ADAM12: variants seen among roughly 807,000 people sequenced by gnomAD.
The protein encoded by ADAM12 is ADAM metallopeptidase domain 12.
A neutral mutation model predicts 106.4 loss-of-function variants in ADAM12; 70 were observed. That is an observed-to-expected ratio of 0.66 (90% CI 0.54 to 0.80). The LOEUF (loss-of-function observed/expected upper bound fraction) is 0.80, where lower values mean the gene tolerates loss of function less well. Ranked by LOEUF, ADAM12 falls within the 30% of genes least tolerant of loss-of-function variation. ADAM12 has a pLI of 0.00. For missense variants in ADAM12, 1,010 were observed against 1,171.9 expected (o/e 0.86, Z 2.02); for synonymous variants, 420 against 433.5 (o/e 0.97, Z 0.39).
intron 11 of ADAM12, among the ~76,000 whole-genome samples, chr10:126,080,248 G>A (rs1323622027): frequency 1.3e-5 from 2 of 152,120 alleles, no homozygotes; most frequent in African/African-American, 4.8e-5. Flanking sequence ...CCAGGTAGTT[G>A]CTCATGACAT....
At chr10:126,387,806 C>T (rs1446231964) in intron 1 of ADAM12, among the ~76,000 whole-genome samples, 4 of 152,040 alleles carry the variant, frequency 2.6e-5, no homozygotes, top group African/African-American at 9.6e-5. Flanking sequence ...GGGGAGCGGT[C>T]CCGAGGCTGT....
intron 5 of ADAM12, among the ~76,000 whole-genome samples, chr10:126,132,800 A>T (rs1956332175): frequency 2.0e-5 from 3 of 152,044 alleles, no homozygotes; most frequent in Non-Finnish European, 2.9e-5. Context: ...TAGGGTGAGA[A>T]CATCTACCTG....
At chr10:126,258,451 C>T (rs917973275) in intron 3 of ADAM12, among the ~76,000 whole-genome samples, 8 of 152,154 alleles carry the variant, frequency 5.3e-5, no homozygotes, top group African/African-American at 1.4e-4. Flanking sequence ...CAGTGGCCTC[C>T]GACCTCTGCT....
At chr10:126,233,404 T>C (rs1345285340) in intron 3 of ADAM12, among the ~76,000 whole-genome samples, 1 of 151,956 alleles carries the variant, frequency 6.6e-6, no homozygotes, top group Non-Finnish European at 1.5e-5. Flanking sequence ...AAGGTCCTGC[T>C]GGGGGAGGAG....
chr10:126,095,544 A>AG (rs1955542095), intron 10 of ADAM12, among the ~76,000 whole-genome samples: 1 of 150,570 alleles, frequency 6.6e-6, no homozygotes, highest in African/African-American at 2.4e-5. Flanking sequence ...AAAAAAAAAA[A>AG]AAAAAAAAAA....
chr10:126,281,144 G>C (rs912254677), intron 2 of ADAM12, among the ~76,000 whole-genome samples: 1 of 152,076 alleles, frequency 6.6e-6, no homozygotes, highest in Non-Finnish European at 1.5e-5. Context: ...TTAATTATAT[G>C]TGTGAAGAAC....
At chr10:126,288,591 G>A (rs999615471) in intron 2 of ADAM12, among the ~76,000 whole-genome samples, 20 of 151,090 alleles carry the variant, frequency 1.3e-4, no homozygotes, top group Non-Finnish European at 2.7e-4. Context: ...GTGATGTGGT[G>A]GCCTCAGGAA....
At chr10:126,182,620 C>T (rs1255100226) in intron 3 of ADAM12, among the ~76,000 whole-genome samples, 1 of 152,130 alleles carries the variant, frequency 6.6e-6, no homozygotes, top group African/African-American at 2.4e-5. Flanking sequence ...GAGCCTGTGC[C>T]AGGATGTGAA....
rs1372143658 is a variant in ADAM12, at chr10:126,015,155, A to G, written c.*2124T>C. 6.6e-6 allele frequency: 1 copy of G among 152,220 alleles called. No individual in the cohort carries two copies. Among genetic ancestry groups the G allele is most frequent in the Non-Finnish European group, 1.5e-5 (1 of 68,032 alleles). 9.4% of individuals were successfully genotyped at this position (152,220 alleles called of 1,614,324 possible). A position where few individuals can be genotyped will look rare whatever the true frequency, so the allele number is the denominator to read the frequency against. The stretch of plus-strand genomic sequence containing the variant: ...CATCAGCCATGGCCCCTAAGTGGCC[A>G]TTGATGACATGGCATAAGATCACAG... On this transcript the variant is annotated 3_prime_UTR_variant, in exon 23 of 23. Coordinates refer to ENST00000448723, the MANE Select transcript of ADAM12 (RefSeq NM_001288973.2).
chr10:126,159,640 C>A (rs1174438943), intron 3 of ADAM12, among the ~76,000 whole-genome samples: 1 of 152,132 alleles, frequency 6.6e-6, no homozygotes, highest in African/African-American at 2.4e-5. Flanking sequence ...GGAGAAAAGT[C>A]ATTTTACGTA....
At chr10:126,109,101 C>CA (rs1344310282) in intron 7 of ADAM12, among the ~76,000 whole-genome samples, 5 of 152,062 alleles carry the variant, frequency 3.3e-5, no homozygotes, top group East Asian at 1.9e-4. Flanking sequence ...GGAGAATAGA[C>CA]AAAAAAATCA....
At chr10:126,292,842 A>C (rs1960215333) in intron 2 of ADAM12, among the ~76,000 whole-genome samples, 1 of 152,180 alleles carries the variant, frequency 6.6e-6, no homozygotes. Flanking sequence ...TTTTTTCTCC[A>C]GTCATTTAAA....
intron 3 of ADAM12, among the ~76,000 whole-genome samples, chr10:126,200,022 G>A (rs1047785427): frequency 2.6e-5 from 4 of 152,190 alleles, no homozygotes; most frequent in African/African-American, 9.7e-5. Context: ...AGGAAGGACA[G>A]TGACTTACAC....
chr10:126,045,384 A>AT (rs905343604), intron 17 of ADAM12, among the ~76,000 whole-genome samples: 12 of 152,248 alleles, frequency 7.9e-5, no homozygotes, highest in Admixed American at 4.6e-4. Flanking sequence ...GCACCCGGTA[A>AT]TTCTGTGTAA....
chr10:126,134,826 C>T (rs1956375168), intron 5 of ADAM12, among the ~76,000 whole-genome samples: 1 of 152,234 alleles, frequency 6.6e-6, no homozygotes, highest in South Asian at 2.1e-4. Flanking sequence ...TCTCTTCCCT[C>T]CCATGGAATC....
intron 1 of ADAM12, among the ~76,000 whole-genome samples, chr10:126,365,405 A>G (rs1855875544): frequency 6.6e-6 from 1 of 152,230 alleles, no homozygotes; most frequent in African/African-American, 2.4e-5. Flanking sequence ...CTAGGAATGA[A>G]GAAGCTTCAG....
At chr10:126,124,329 A>G (rs1013988804) in intron 5 of ADAM12, among the ~76,000 whole-genome samples, 3 of 151,968 alleles carry the variant, frequency 2.0e-5, no homozygotes, top group African/African-American at 7.3e-5. Flanking sequence ...GGTAAAAGTA[A>G]TATCTCACCC....
At chr10:126,029,506 C>T (rs936040221) in intron 21 of ADAM12, among the ~76,000 whole-genome samples, 1 of 152,116 alleles carries the variant, frequency 6.6e-6, no homozygotes, top group African/African-American at 2.4e-5. Context: ...CCAAATACCC[C>T]ATGTTTTCAC....
intron 4 of ADAM12, among the ~76,000 whole-genome samples, chr10:126,138,274 G>A (rs1956442928): frequency 6.6e-6 from 1 of 152,130 alleles, no homozygotes; most frequent in Non-Finnish European, 1.5e-5. Flanking sequence ...AGTTAGAAGA[G>A]TTCTTCACAT....
Sources: allele counts gnomAD v4.1 joint callset (sites outside exome capture counted in the v4.1 genomes callset), GRCh38; gene constraint gnomAD v4.1.1; transcripts MANE v1.5; gene names NCBI Gene and HGNC (gene_info 2026-07-23, HGNC 2026-07-21).